The following DIP2B variants were observed in gnomAD, a reference collection of about 807,000 sequenced individuals.
DIP2B encodes disco-interacting protein 2 homolog B.
A neutral mutation model predicts 198.0 loss-of-function variants in DIP2B; 76 were observed. The observed-to-expected ratio is 0.38, with a 90% CI of 0.32 to 0.46. DIP2B has a LOEUF of 0.46. Among genes scored for constraint, DIP2B ranks in the 20% least tolerant of loss-of-function variants. The pLI, the probability that DIP2B is intolerant of heterozygous loss-of-function variation, is 0.99. For synonymous variants in DIP2B, 701 were observed against 739.1 expected (o/e 0.95, Z 0.84); for missense variants, 1,559 against 1,978.4 (o/e 0.79, Z 4.02).
intron 16 of DIP2B, among the ~76,000 whole-genome samples, chr12:50,696,398 C>T (rs998999683): frequency 6.6e-6 from 1 of 152,210 alleles, no homozygotes; most frequent in African/African-American, 2.4e-5. Context: ...ACCAGGAAAT[C>T]GTCCATTGTA....
At chr12:50,694,951 A>G (rs1158317848) in intron 14 of DIP2B, among the ~76,000 whole-genome samples, 1 of 152,170 alleles carries the variant, frequency 6.6e-6, no homozygotes, top group Non-Finnish European at 1.5e-5. Flanking sequence ...TATGTATAAT[A>G]TGATGTCTTT....
chr12:50,630,663 CTTTTTT>C lies in DIP2B; in HGVS notation c.172+4636_172+4641del, dbSNP rs11327858. ...TTGATCACCACGAATTCTTTCTTTTCTTTTTTTTTTTTTTTTTTTTTTTTTGAGACA... is the reference window on the plus strand; with the variant it reads ...TTGATCACCACGAATTCTTTCTTTTCTTTTTTTTTTTTTTTTTTTGAGACA... On this transcript the variant is annotated intron_variant, in intron 2 of 37. Coordinates refer to ENST00000301180, the MANE Select transcript of DIP2B (RefSeq NM_173602.3). 2.1e-3 allele frequency among the ~76,000 whole-genome samples: 154 copies of C among 74,600 alleles called. 3 individuals are homozygous for C. The highest frequency in any genetic ancestry group is 0.011 in the East Asian group (30 of 2,672). The allele number at this position is 74,600 out of a possible 152,430, so 48.9% of individuals were successfully genotyped here. A position where few individuals can be genotyped will look rare whatever the true frequency, so the allele number is the denominator to read the frequency against.
chr12:50,725,477 A>C (rs926387735), intron 28 of DIP2B, among the ~76,000 whole-genome samples: 1 of 152,212 alleles, frequency 6.6e-6, no homozygotes, highest in African/African-American at 2.4e-5. Flanking sequence ...GGAATAGCTG[A>C]AAAAGCTGTG....
At chr12:50,639,052 C>A (rs1938208640) in intron 2 of DIP2B, among the ~76,000 whole-genome samples, 1 of 151,708 alleles carries the variant, frequency 6.6e-6, no homozygotes, top group South Asian at 2.1e-4. Flanking sequence ...TAAATCACTG[C>A]CCTTGCAAGT....
Position 50,683,241 on chromosome 12 carries a change from C to A in DIP2B, c.1310C>A (p.Thr437Asn), listed in dbSNP as rs1180229779. 4.4e-6 allele frequency: 7 copies of A among 1,608,142 alleles called. No homozygotes were observed. The highest frequency in any genetic ancestry group is 1.3e-5 in the African/African-American group (1 of 74,586). Reference protein sequence around the residue: ...VIPVPIEVPLTRKDAGGQQIG... With the variant: ...VIPVPIEVPLNRKDAGGQQIG... ...CCAGTGCCTATAGAGGTACCTCTTA[C>A]CAGAAAGGTAACATTGCTAAATTTA... is the stretch of plus-strand genomic sequence containing the variant. The change falls in exon 10 of 38, where the codon ACC (threonine) becomes AAC (asparagine). Residue 437 changes from threonine to asparagine, a missense_variant. Thr to Asn is a moderately conservative substitution (Grantham distance 65). Coordinates refer to ENST00000301180, the MANE Select transcript of DIP2B (RefSeq NM_173602.3).
At chr12:50,547,975 G>A (rs1455748611) in intron 1 of DIP2B, among the ~76,000 whole-genome samples, 1 of 152,154 alleles carries the variant, frequency 6.6e-6, no homozygotes, top group Admixed American at 6.6e-5. Context: ...AGGCTGCAAT[G>A]GGAGGATTGT....
intron 10 of DIP2B, among the ~76,000 whole-genome samples, chr12:50,684,715 C>T (rs1939104695): frequency 6.6e-6 from 1 of 152,028 alleles, no homozygotes; most frequent in South Asian, 2.1e-4. Flanking sequence ...TCGCTTGAAC[C>T]CGGGAGGTGG....
chr12:50,517,335 A>G (rs1214307110), intron 1 of DIP2B, among the ~76,000 whole-genome samples: 1 of 152,014 alleles, frequency 6.6e-6, no homozygotes, highest in African/African-American at 2.4e-5. Flanking sequence ...TTGACCTCCC[A>G]AAGTGCTGAG....
At chr12:50,675,232 C>T in intron 6 of DIP2B, 97 bp from the exon 7 acceptor site, 2 of 1,475,914 alleles carry the variant, frequency 1.4e-6, no homozygotes, top group Non-Finnish European at 1.8e-6. Context: ...TGGACAAACG[C>T]CAAACATCCT....
chr12:50,621,726 G>A (rs11169507), intron 1 of DIP2B, among the ~76,000 whole-genome samples: 43,374 of 152,090 alleles, frequency 0.29, 6,419 homozygotes, highest in East Asian at 0.36. Context: ...GCATCACAGA[G>A]GGGTGACTTT....
intron 1 of DIP2B, among the ~76,000 whole-genome samples, chr12:50,575,086 T>C (rs1958647058): frequency 6.6e-6 from 1 of 152,216 alleles, no homozygotes; most frequent in Non-Finnish European, 1.5e-5. Context: ...TGCATGATTA[T>C]AGCTAACTTT....
chr12:50,674,668 C>T, intron 6 of DIP2B, 39 bp downstream of exon 6: 5 of 1,607,948 alleles, frequency 3.1e-6, no homozygotes, highest in Non-Finnish European at 4.3e-6. Context: ...GTAGTGTAAA[C>T]TAAACTAGAA....
intron 1 of DIP2B, among the ~76,000 whole-genome samples, chr12:50,586,659 G>C (rs1054262619): frequency 6.6e-6 from 1 of 151,128 alleles, no homozygotes; most frequent in Non-Finnish European, 1.5e-5. Context: ...TGCAACCTCT[G>C]CCTCCCGGGT....
At chr12:50,666,575 T>G (rs1048240130) in intron 4 of DIP2B, among the ~76,000 whole-genome samples, 1 of 152,146 alleles carries the variant, frequency 6.6e-6, no homozygotes, top group African/African-American at 2.4e-5. Flanking sequence ...TCCGCTGGGC[T>G]GTAGGGAGGA....
intron 1 of DIP2B, among the ~76,000 whole-genome samples, chr12:50,577,297 C>T (rs1293757215): frequency 2.0e-5 from 3 of 151,902 alleles, no homozygotes; most frequent in South Asian, 2.1e-4. Context: ...TTTGGGAGGC[C>T]GAGGCGGGCG....
chr12:50,607,758 C>G (rs1454187724), intron 1 of DIP2B, among the ~76,000 whole-genome samples: 1 of 152,158 alleles, frequency 6.6e-6, no homozygotes, highest in African/African-American at 2.4e-5. Context: ...CACATCATTC[C>G]TCACACAGTT....
chr12:50,539,199 C>T (rs1958296350), intron 1 of DIP2B, among the ~76,000 whole-genome samples: 1 of 150,470 alleles, frequency 6.6e-6, no homozygotes, highest in African/African-American at 2.4e-5. Context: ...TCTCTTTCAT[C>T]CCGTTTGGCT....
intron 1 of DIP2B, among the ~76,000 whole-genome samples, chr12:50,582,508 T>G (rs1282188748): frequency 1.3e-5 from 2 of 152,184 alleles, no homozygotes; most frequent in Non-Finnish European, 2.9e-5. Context: ...TATGAAACAT[T>G]GTAATATTAG....
chr12:50,726,368 G>A (rs1939933640), intron 28 of DIP2B, among the ~76,000 whole-genome samples: 1 of 152,144 alleles, frequency 6.6e-6, no homozygotes. Context: ...TTCTCTTTTG[G>A]AGACGGGGCC....
Sources: allele counts gnomAD v4.1 joint callset (sites outside exome capture counted in the v4.1 genomes callset), GRCh38; gene constraint gnomAD v4.1.1; transcripts MANE v1.5; gene names NCBI Gene and HGNC (gene_info 2026-07-23, HGNC 2026-07-21).